The following NTM variants were observed in gnomAD, a reference collection of about 807,000 sequenced individuals.
The protein encoded by NTM is IgLON family member 2.
A neutral mutation model predicts 42.1 loss-of-function variants in NTM; 13 were observed. The observed-to-expected ratio is 0.31, with a 90% CI of 0.20 to 0.49. The LOEUF (loss-of-function observed/expected upper bound fraction) is 0.49, where lower values mean the gene tolerates loss of function less well. Among genes scored for constraint, NTM ranks in the 20% least tolerant of loss-of-function variants. NTM has a pLI of 0.99. For synonymous variants in NTM, 187 were observed against 179.2 expected, an observed-to-expected ratio of 1.04 and a Z score of -0.35; for missense variants, 373 against 452.8, an observed-to-expected ratio of 0.82 and a Z score of 1.60.
chr11:131,501,597 C>T (rs981040169), intron 1 of NTM, among the ~76,000 whole-genome samples: 2 of 152,084 alleles, frequency 1.3e-5, no homozygotes, highest in African/African-American at 4.8e-5. Context: ...AGGCTGGCTG[C>T]TTTTTAGAGA....
chr11:131,467,501 G>C (rs1385197660), intron 1 of NTM, among the ~76,000 whole-genome samples: 1 of 152,156 alleles, frequency 6.6e-6, no homozygotes, highest in African/African-American at 2.4e-5. Flanking sequence ...TGGAGAGCTG[G>C]CCATGATGAA....
intron 4 of NTM, among the ~76,000 whole-genome samples, chr11:132,305,690 A>G (rs1370672427): frequency 6.6e-6 from 1 of 152,228 alleles, no homozygotes; most frequent in Non-Finnish European, 1.5e-5. Context: ...GAGGAATTAC[A>G]GATTCTTCAT....
chr11:131,376,784 G>A (rs1942032256), intron 1 of NTM, among the ~76,000 whole-genome samples: 1 of 151,730 alleles, frequency 6.6e-6, no homozygotes, highest in Non-Finnish European at 1.5e-5. Context: ...CGCTAGTGGT[G>A]CTTCCTTTGC....
At chr11:132,019,558 A>T (rs577112846) in intron 2 of NTM, among the ~76,000 whole-genome samples, 19 of 152,156 alleles carry the variant, frequency 1.2e-4, no homozygotes, top group Middle Eastern at 3.4e-3. Context: ...TATCATACTG[A>T]AATATCCCAG....
intron 1 of NTM, among the ~76,000 whole-genome samples, chr11:131,447,610 A>G (rs1426588194): frequency 6.6e-6 from 1 of 152,056 alleles, no homozygotes; most frequent in Admixed American, 6.5e-5. Context: ...GTTTGTTTGT[A>G]TTTGTATTTG....
chr11:132,066,426 C>G (rs944029955), intron 2 of NTM, among the ~76,000 whole-genome samples: 2 of 152,306 alleles, frequency 1.3e-5, no homozygotes, highest in African/African-American at 4.8e-5. Context: ...TGATGACTTT[C>G]TCATTTTAGT....
chr11:132,020,655 T>C (rs1194851657), intron 2 of NTM, among the ~76,000 whole-genome samples: 5 of 152,068 alleles, frequency 3.3e-5, no homozygotes, highest in Admixed American at 6.5e-5. Context: ...TTCTGAAAAC[T>C]AAATTTCCGG....
At chr11:131,623,433 T>C (rs1219309875) in intron 1 of NTM, among the ~76,000 whole-genome samples, 1 of 152,242 alleles carries the variant, frequency 6.6e-6, no homozygotes, top group Non-Finnish European at 1.5e-5. Flanking sequence ...TTGGCTCAAG[T>C]CCGAGACAGA....
intron 1 of NTM, among the ~76,000 whole-genome samples, chr11:131,735,879 A>C (rs944131587): frequency 2.1e-5 from 3 of 143,572 alleles, no homozygotes; most frequent in African/African-American, 8.2e-5. Flanking sequence ...TGTGTGTATA[A>C]AAAAATATAT....
chr11:132,024,354 C>T (rs949204465), intron 2 of NTM, among the ~76,000 whole-genome samples: 11 of 152,106 alleles, frequency 7.2e-5, no homozygotes, highest in Non-Finnish European at 1.0e-4. Flanking sequence ...TCCAGGATTT[C>T]CCTCCAATAT....
At chr11:132,132,718 T>C (rs891044221) in intron 2 of NTM, among the ~76,000 whole-genome samples, 11 of 152,062 alleles carry the variant, frequency 7.2e-5, no homozygotes, top group Non-Finnish European at 1.3e-4. Context: ...TTGACATATA[T>C]GAAAACTGAG....
chr11:131,875,812 A>T (rs1429500726), intron 1 of NTM, among the ~76,000 whole-genome samples: 1 of 152,060 alleles, frequency 6.6e-6, no homozygotes, highest in Non-Finnish European at 1.5e-5. Flanking sequence ...TTTCCCACTC[A>T]TGTCTTTGTC....
intron 2 of NTM, among the ~76,000 whole-genome samples, chr11:131,939,553 A>T (rs1240002353): frequency 6.6e-6 from 1 of 152,128 alleles, no homozygotes; most frequent in Non-Finnish European, 1.5e-5. Flanking sequence ...TCATCTGTGC[A>T]GATGGAGGGA....
At chr11:132,273,878 G>T (rs1051693037) in intron 4 of NTM, among the ~76,000 whole-genome samples, 1 of 152,142 alleles carries the variant, frequency 6.6e-6, no homozygotes, top group African/African-American at 2.4e-5. Flanking sequence ...TTGCACTCCA[G>T]CCTGGGCAAT....
intron 4 of NTM, among the ~76,000 whole-genome samples, chr11:132,219,001 GCTT>G (rs1233963396): frequency 6.6e-6 from 1 of 152,020 alleles, no homozygotes; most frequent in Non-Finnish European, 1.5e-5. Flanking sequence ...TTTCATTCTT[GCTT>G]CTTGGCGTGA....
chr11:131,722,801 A>T (rs2078526301), intron 1 of NTM, among the ~76,000 whole-genome samples: 1 of 152,226 alleles, frequency 6.6e-6, no homozygotes, highest in Non-Finnish European at 1.5e-5. Flanking sequence ...GCACAAGTAC[A>T]AAATATATAA....
Position 131,370,674 on chromosome 11 carries a change from G to A in NTM, c.-133G>A. ...ACTCTCTCACACCCTCGGCTTTCTT[G>A]TTGTGTCCTTCAGCAAAACAGTGGA... On this transcript the variant is annotated 5_prime_UTR_variant, in exon 1 of 9. Coordinates refer to ENST00000683400, the MANE Select transcript of NTM (RefSeq NM_001352005.2). 1 of 718,272 alleles carries A rather than the reference G, an allele frequency of 1.4e-6. No homozygotes were observed. Among genetic ancestry groups the A allele is most frequent in the Non-Finnish European group, 2.3e-6 (1 of 435,598 alleles). 44.5% of individuals were successfully genotyped at this position (718,272 alleles called of 1,614,324 possible). A position where few individuals can be genotyped will look rare whatever the true frequency, so the allele number is the denominator to read the frequency against.
chr11:131,688,237 G>C (rs56285054), intron 1 of NTM, among the ~76,000 whole-genome samples: 10,820 of 152,210 alleles, frequency 0.071, 1,280 homozygotes, highest in African/African-American at 0.25. Context: ...CCCGGGGCGG[G>C]GGAGGGCCCC....
At chr11:131,878,067 C>G (rs1360694361) in intron 1 of NTM, 1 of 152,084 alleles carries the variant, frequency 6.6e-6, no homozygotes, top group Non-Finnish European at 1.5e-5. Flanking sequence ...TTCTGCTGTT[C>G]TCGGGAGGAA....
Sources: allele counts gnomAD v4.1 joint callset (sites outside exome capture counted in the v4.1 genomes callset), GRCh38; gene constraint gnomAD v4.1.1; transcripts MANE v1.5; gene names NCBI Gene and HGNC (gene_info 2026-07-23, HGNC 2026-07-21).